BHMT2: variants seen among roughly 807,000 people sequenced by gnomAD.
BHMT2 encodes S-methylmethionine--homocysteine S-methyltransferase BHMT2.
BHMT2 carries 28 observed loss-of-function variants against 39.0 expected under a neutral mutation model. The ratio of observed to expected loss-of-function variants is 0.72; its 90% CI spans 0.53 to 0.98. BHMT2 has a LOEUF of 0.98. Among genes scored for constraint, BHMT2 ranks in the 50% least tolerant of loss-of-function variants. The probability of loss-of-function intolerance (pLI) is 0.00; values close to 1 mark genes in which losing one functional copy is unlikely to be tolerated. For missense variants in BHMT2, 410 were observed against 455.6 expected (o/e 0.90, Z 0.91); for synonymous variants, 145 against 160.6 (o/e 0.90, Z 0.74).
Position 79,069,824 on chromosome 5 carries a change from C to A in BHMT2, c.33+9C>A. 1.4e-6 allele frequency: 2 copies of A among 1,426,180 alleles called. No individual in the cohort carries two copies. The highest frequency in any genetic ancestry group is 1.5e-5 in the South Asian group (1 of 65,728). 88.3% of individuals were successfully genotyped at this position (1,426,180 alleles called of 1,614,324 possible). A position where few individuals can be genotyped will look rare whatever the true frequency, so the allele number is the denominator to read the frequency against. On this transcript the variant is annotated intron_variant, in intron 1 of 7. Coordinates refer to ENST00000255192, the MANE Select transcript of BHMT2 (RefSeq NM_017614.5). ...GCCCGGGGGCCAAGAAGGTGAGTTT[C>A]GTCCCCTCGATCCTCGCGGAGCTCC... is the stretch of plus-strand genomic sequence containing the variant.
chr5:79,070,814 T>C (rs555475877), intron 1 of BHMT2, among the ~76,000 whole-genome samples: 135 of 152,234 alleles, frequency 8.9e-4, no homozygotes, highest in Non-Finnish European at 1.5e-3. Context: ...AGGAAATATA[T>C]CACAAACTGA....
chr5:79,073,712 C>G (rs1755622349), intron 1 of BHMT2, among the ~76,000 whole-genome samples: 1 of 152,188 alleles, frequency 6.6e-6, no homozygotes, highest in Non-Finnish European at 1.5e-5. Flanking sequence ...GTTGAGAGCT[C>G]TCTCTGCCAA....
Position 79,084,418 on chromosome 5 carries a change from C to T in BHMT2, c.1010+562C>T, listed in dbSNP as rs545592651. ...CCTCCCGAGTAGCTGGGATTACAGG[C>T]GCCCACCACCACATCCGGCTAATTT... is the stretch of plus-strand genomic sequence containing the variant. On this transcript the variant is annotated intron_variant, in intron 7 of 7. Transcript: ENST00000255192. Among the ~76,000 whole-genome samples the T allele has an allele frequency of 1.0e-3, 155 of 152,182 alleles. 3 individuals carry two copies. In the South Asian group the frequency reaches 0.03, roughly 29 times the overall value.
intron 1 of BHMT2, among the ~76,000 whole-genome samples, chr5:79,075,393 G>A (rs1427749515): frequency 2.0e-5 from 3 of 152,064 alleles, no homozygotes; most frequent in African/African-American, 4.8e-5. Context: ...CACCCAACAC[G>A]TAGGCCAGTA....
intron 1 of BHMT2, among the ~76,000 whole-genome samples, chr5:79,071,845 A>AAAAAAT (rs1554039290): frequency 2.3e-4 from 33 of 144,514 alleles, no homozygotes; most frequent in Non-Finnish European, 2.3e-4. Context: ...AAAAAAAAAA[A>AAAAAAT]CTAAAGAAGG....
chr5:79,086,998 A>ATGTG (rs376885057), intron 7 of BHMT2, among the ~76,000 whole-genome samples: 1 of 125,370 alleles, frequency 8.0e-6, no homozygotes, highest in African/African-American at 3.2e-5. Context: ...TTGTGTATGT[A>ATGTG]TGTGTGTGTG....
intron 7 of BHMT2, among the ~76,000 whole-genome samples, chr5:79,087,010 GTGTGTATATATATA>G (rs989388211): frequency 5.3e-5 from 6 of 113,464 alleles, no homozygotes; most frequent in African/African-American, 1.7e-4. Flanking sequence ...GTGTGTGTGT[GTGTGTATATATATA>G]TATATATATA....
intron 7 of BHMT2, among the ~76,000 whole-genome samples, chr5:79,087,567 C>T (rs2112706715): frequency 6.6e-6 from 1 of 152,226 alleles, no homozygotes; most frequent in East Asian, 1.9e-4. Flanking sequence ...ACACAATAAA[C>T]ACTAGATTTC....
chr5:79,071,316 T>G (rs673834), intron 1 of BHMT2: 109,084 of 152,140 alleles, frequency 0.72, 39,988 homozygotes, highest in East Asian at 0.79. Flanking sequence ...AAAGGGGAAG[T>G]TATTTTAGAC....
chr5:79,089,579 C>T lies in BHMT2; in HGVS notation c.*1005C>T, dbSNP rs538033528. ...AGCTTATAATCTTCTCATAATTCCC[C>T]TTACTTAGCATTGTGTTAGACATAC... On this transcript the variant is annotated 3_prime_UTR_variant, in exon 8 of 8. Coordinates refer to ENST00000255192, the MANE Select transcript of BHMT2 (RefSeq NM_017614.5). 1.3e-5 allele frequency: 2 copies of T among 152,260 alleles called. No homozygotes were observed. The highest frequency in any genetic ancestry group is 4.8e-5 in the African/African-American group (2 of 41,568). 9.4% of individuals were successfully genotyped at this position (152,260 alleles called of 1,614,324 possible).
intron 3 of BHMT2, among the ~76,000 whole-genome samples, 181 bp from the exon 4 acceptor site, chr5:79,080,506 A>C (rs1755763576): frequency 6.6e-6 from 1 of 152,204 alleles, no homozygotes; most frequent in African/African-American, 2.4e-5. Context: ...TAAGTACAAT[A>C]ATGGAAATAT....
intron 1 of BHMT2, among the ~76,000 whole-genome samples, chr5:79,071,650 G>A (rs1267862698): frequency 1.3e-5 from 2 of 152,030 alleles, no homozygotes; most frequent in African/African-American, 4.8e-5. Context: ...ACACACTGGG[G>A]CCTATCGAAG....
chr5:79,079,842 A>G lies in BHMT2; in HGVS notation c.258+382A>G, dbSNP rs192743635. ...ACCTGGGAGATAGCATTGAGCCGAG[A>G]TCACACCACTGCACTCCAGCCTGGG... On this transcript the variant is annotated intron_variant, in intron 3 of 7. Transcript: ENST00000255192. Among the ~76,000 whole-genome samples the G allele has an allele frequency of 3.2e-3, 492 of 152,046 alleles. 1 individual carries two copies. The highest frequency in any genetic ancestry group is 0.011 in the African/African-American group (468 of 41,450).
chr5:79,082,866 A>G lies in BHMT2; in HGVS notation c.508A>G (p.Arg170Gly), dbSNP rs1755812816. 2 of 1,612,994 alleles carry G rather than the reference A, an allele frequency of 1.2e-6. No homozygotes were observed. The highest frequency in any genetic ancestry group is 1.7e-6 in the Non-Finnish European group (2 of 1,178,968). The change falls in exon 5 of 8, where the codon AGA (arginine) becomes GGA (glycine). Residue 170 changes from arginine to glycine, a missense_variant. Arg to Gly is a moderately radical substitution (Grantham distance 125). Coordinates refer to ENST00000255192, the MANE Select transcript of BHMT2 (RefSeq NM_017614.5). ...TGTGGAAGTCTTAAAAGAATCAGATAGACCCGTGGCAGTTACCATGTGCAT... is the reference window on the plus strand; with the variant it reads ...TGTGGAAGTCTTAAAAGAATCAGATGGACCCGTGGCAGTTACCATGTGCAT... Reference protein sequence around the residue: ...WAVEVLKESDRPVAVTMCIGP... With the variant: ...WAVEVLKESDGPVAVTMCIGP...
chr5:79,079,227 T>C (rs1377614924), intron 2 of BHMT2, 142 bp from the exon 3 acceptor site: 5 of 603,996 alleles, frequency 8.3e-6, no homozygotes, highest in Non-Finnish European at 1.5e-5. Context: ...TAATCTATAA[T>C]TTTTTGTTAC....
At chr5:79,087,141 T>C (rs897064213) in intron 7 of BHMT2, among the ~76,000 whole-genome samples, 6 of 151,226 alleles carry the variant, frequency 4.0e-5, no homozygotes, top group African/African-American at 1.2e-4. Flanking sequence ...TACTCTCATG[T>C]ACTTCACCCA....
intron 2 of BHMT2, chr5:79,077,864 C>T (rs1561240140): frequency 3.3e-6 from 1 of 306,948 alleles, no homozygotes; most frequent in Non-Finnish European, 6.1e-6. Flanking sequence ...CCCACACACA[C>T]ACATCCATGC....
rs1192875481 is a variant in BHMT2, at chr5:79,080,776, A to T, written c.348A>T (p.Thr116=). ...DALVAGGICQ[T]SIYKYQKDEA... The stretch of plus-strand genomic sequence containing the variant: ...TGGTAGCAGGGGGGATCTGCCAGAC[A>T]TCAATATACAAATACCAGAAGGATG... Residue 116 remains threonine (T), a synonymous_variant, in exon 4 of 8, where the codon ACA becomes ACT. Coordinates refer to ENST00000255192, the MANE Select transcript of BHMT2 (RefSeq NM_017614.5). 4 of 1,606,176 alleles carry T rather than the reference A, an allele frequency of 2.5e-6. No individual in the cohort carries two copies. Among genetic ancestry groups the T allele is most frequent in the Non-Finnish European group, 3.4e-6 (4 of 1,177,658 alleles).
chr5:79,071,107 C>T (rs1405491639), intron 1 of BHMT2: 1 of 152,182 alleles, frequency 6.6e-6, no homozygotes, highest in Non-Finnish European at 1.5e-5. Flanking sequence ...TTTGGGGCCT[C>T]TACTGTTACA....
Sources: gnomAD v4.1 joint callset for allele counts (sites outside exome capture counted in the v4.1 genomes callset) on GRCh38, gnomAD v4.1.1 for gene constraint, MANE v1.5 for transcripts, NCBI Gene and HGNC (gene_info 2026-07-23, HGNC 2026-07-21) for gene names.